Variants in PTPRD observed in about 807,000 individuals in gnomAD.
PTPRD encodes the protein receptor-type tyrosine-protein phosphatase delta.
In PTPRD, 34 loss-of-function variants were observed where a neutral mutation model predicts 214.5. The ratio of observed to expected loss-of-function variants is 0.16; its 90% CI spans 0.12 to 0.21. The LOEUF (loss-of-function observed/expected upper bound fraction) is 0.21, where lower values mean the gene tolerates loss of function less well. PTPRD is among the 10% of genes least tolerant of loss of function. PTPRD has a pLI of 1.00. For synonymous variants in PTPRD, 1,128 were observed against 845.7 expected (o/e 1.33, Z -5.79); for missense variants, 2,545 against 2,398.7 (o/e 1.06, Z -1.27).
At chr9:10,113,730 C>T (rs2098709431) in intron 3 of PTPRD, among the ~76,000 whole-genome samples, 3 of 152,162 alleles carry the variant, frequency 2.0e-5, no homozygotes, top group Non-Finnish European at 2.9e-5. Context: ...TAAGACAATG[C>T]TTCGCCACTT....
intron 11 of PTPRD, among the ~76,000 whole-genome samples, chr9:9,005,227 G>A (rs184230697): frequency 3.9e-5 from 6 of 152,126 alleles, no homozygotes; most frequent in African/African-American, 1.2e-4. Flanking sequence ...TCAGTTCATT[G>A]CTAGGCATTT....
At position 9,736,074 on chromosome 9, in the gene PTPRD, T is replaced by C. The variant is rs1423612518; in HGVS notation, c.-325-1503A>G. Among the ~76,000 whole-genome samples the C allele has an allele frequency of 2.6e-5, 4 of 152,134 alleles. No homozygotes were observed. In the East Asian group the frequency reaches 7.7e-4, roughly 29 times the overall value. The stretch of plus-strand genomic sequence containing the variant: ...GAGATTTGTAATCATGCTGCATTAA[T>C]GTCTCATGTTCATCACAATATTTCA... On this transcript the variant is annotated intron_variant, in intron 6 of 45. Transcript: ENST00000381196.
At chr9:9,102,996 T>A (rs572840657) in intron 10 of PTPRD, among the ~76,000 whole-genome samples, 1 of 152,248 alleles carries the variant, frequency 6.6e-6, no homozygotes, top group Non-Finnish European at 1.5e-5. Context: ...GGTCTCTGTG[T>A]CTTTGATACT....
At chr9:10,534,907 G>T (rs945195472) in intron 2 of PTPRD, among the ~76,000 whole-genome samples, 1 of 152,134 alleles carries the variant, frequency 6.6e-6, no homozygotes, top group African/African-American at 2.4e-5. Context: ...GGAACTATTT[G>T]ACCATTGCAA....
rs561400332 is a variant in PTPRD at position 8,890,907 on chromosome 9, A to G, written c.-104+127790T>C. ...AGCAGCTGCCTGTCTCAAAGAGGAAATGGGCAAAAGAGGCCTTTTCAGTCA... is the reference window on the plus strand; with the variant it reads ...AGCAGCTGCCTGTCTCAAAGAGGAAGTGGGCAAAAGAGGCCTTTTCAGTCA... On this transcript the variant is annotated intron_variant, in intron 11 of 45. Transcript: ENST00000381196. Among the ~76,000 whole-genome samples the G allele has an allele frequency of 6.6e-5, 10 of 152,300 alleles. No homozygotes were observed. The South Asian group carries it at 1.7e-3, about 25-fold the overall frequency.
At chr9:9,815,114 C>T (rs575097279) in intron 5 of PTPRD, among the ~76,000 whole-genome samples, 1 of 152,102 alleles carries the variant, frequency 6.6e-6, no homozygotes, top group African/African-American at 2.4e-5. Context: ...AACTATATTA[C>T]AAAGCTATAG....
chr9:9,298,109 G>T (rs1205937399), intron 9 of PTPRD, among the ~76,000 whole-genome samples: 1 of 151,706 alleles, frequency 6.6e-6, no homozygotes, highest in African/African-American at 2.4e-5. Context: ...AACTGGGAGT[G>T]TAGTGGCACT....
At chr9:10,393,892 C>T (rs2098119517) in intron 2 of PTPRD, among the ~76,000 whole-genome samples, 1 of 148,206 alleles carries the variant, frequency 6.7e-6, no homozygotes, top group African/African-American at 2.5e-5. Context: ...GTGACTAAAT[C>T]CATATTGTGG....
At chr9:9,250,336 G>C (rs11792872) in intron 9 of PTPRD, among the ~76,000 whole-genome samples, 19,476 of 151,998 alleles carry the variant, frequency 0.13, 1,487 homozygotes, top group Middle Eastern at 0.24. Flanking sequence ...TATAGGCATT[G>C]CTTGAATGTT....
intron 10 of PTPRD, among the ~76,000 whole-genome samples, chr9:9,134,982 G>T (rs978765463): frequency 2.0e-5 from 3 of 152,076 alleles, no homozygotes; most frequent in African/African-American, 7.2e-5. Context: ...AATGATTATA[G>T]GCCCTTTCTG....
intron 11 of PTPRD, among the ~76,000 whole-genome samples, chr9:8,759,984 C>G (rs1039246574): frequency 1.3e-5 from 2 of 152,148 alleles, no homozygotes; most frequent in Non-Finnish European, 2.9e-5. Context: ...GTCCCTTCTC[C>G]CTACTAATCA....
intron 6 of PTPRD, among the ~76,000 whole-genome samples, chr9:9,743,777 A>G (rs1596512260): frequency 1.2e-5 from 1 of 85,462 alleles, no homozygotes; most frequent in African/African-American, 4.9e-5. Flanking sequence ...CACAATTTAT[A>G]CTGACTGTAT....
intron 10 of PTPRD, among the ~76,000 whole-genome samples, chr9:9,138,958 T>C (rs7028240): frequency 0.33 from 50,659 of 151,784 alleles, 9,979 homozygotes; most frequent in African/African-American, 0.56. Flanking sequence ...ACAATAATAG[T>C]TACAGTAATC....
intron 3 of PTPRD, among the ~76,000 whole-genome samples, chr9:10,278,916 A>C (rs531665132): frequency 1.3e-5 from 2 of 152,040 alleles, no homozygotes; most frequent in Admixed American, 6.6e-5. Flanking sequence ...CTGGGACTAC[A>C]GGCACACACC....
intron 2 of PTPRD, among the ~76,000 whole-genome samples, chr9:10,519,126 CAGTT>C (rs986690004): frequency 1.7e-4 from 26 of 151,774 alleles, no homozygotes; most frequent in African/African-American, 5.8e-4. Flanking sequence ...ATGGTGAAAA[CAGTT>C]AGATAACTCT....
chr9:9,611,970 A>G (rs2094536721), intron 7 of PTPRD, among the ~76,000 whole-genome samples: 1 of 152,142 alleles, frequency 6.6e-6, no homozygotes, highest in Non-Finnish European at 1.5e-5. Flanking sequence ...GAATTTAAAT[A>G]TATCAGATAT....
At chr9:9,561,619 G>T (rs1486884024) in intron 8 of PTPRD, among the ~76,000 whole-genome samples, 2 of 152,258 alleles carry the variant, frequency 1.3e-5, no homozygotes, top group East Asian at 1.9e-4. Flanking sequence ...TTAGAAATGT[G>T]CAGGGAAAAA....
chr9:10,182,642 G>C (rs1455798800), intron 3 of PTPRD, among the ~76,000 whole-genome samples: 5 of 152,164 alleles, frequency 3.3e-5, no homozygotes, highest in African/African-American at 1.2e-4. Flanking sequence ...AACATACTAG[G>C]AAATAAATAA....
In PTPRD at chr9:10,250,301, C is replaced by T. The variant is rs371135288; in HGVS notation, c.-545+90662G>A. Among the ~76,000 whole-genome samples, 139 of 152,114 alleles carry T rather than the reference C, an allele frequency of 9.1e-4. 1 individual carries two copies. In the South Asian group the frequency reaches 0.027, roughly 30 times the overall value. On this transcript the variant is annotated intron_variant, in intron 3 of 45. Coordinates refer to ENST00000381196, the MANE Select transcript of PTPRD (RefSeq NM_002839.4). Reference sequence around the variant, plus strand: ...ATATATGCCATGTATGTTCTCTGACCCTTTACTCATCTATATAACCAAATT... The same window carrying T: ...ATATATGCCATGTATGTTCTCTGACTCTTTACTCATCTATATAACCAAATT...
Sources: allele counts gnomAD v4.1 joint callset (sites outside exome capture counted in the v4.1 genomes callset), GRCh38; gene constraint gnomAD v4.1.1; transcripts MANE v1.5; gene names NCBI Gene and HGNC (gene_info 2026-07-23, HGNC 2026-07-21).